Variants in YEATS2 observed in about 807,000 individuals in gnomAD.
The protein encoded by YEATS2 is YEATS domain-containing protein 2.
In YEATS2, 77 loss-of-function variants were observed where a neutral mutation model predicts 163.2. The observed-to-expected ratio is 0.47, with a 90% CI of 0.39 to 0.57. The LOEUF (loss-of-function observed/expected upper bound fraction) is 0.57, where lower values mean the gene tolerates loss of function less well. YEATS2 is among the 20% of genes least tolerant of loss of function. The pLI, the probability that YEATS2 is intolerant of heterozygous loss-of-function variation, is 0.00. For synonymous variants in YEATS2, 631 were observed against 645.1 expected (o/e 0.98, Z 0.33); for missense variants, 1,549 against 1,729.8 (o/e 0.90, Z 1.85).
chr3:183,800,344 C>G (rs1577219693), intron 23 of YEATS2, 122 bp from the exon 24 acceptor site: 2 of 670,660 alleles, frequency 3.0e-6, no homozygotes, highest in Non-Finnish European at 5.2e-6. Flanking sequence ...GGCTGTGTCC[C>G]CACAACAGCT....
At chr3:183,743,035 A>G (rs981804059) in intron 8 of YEATS2, among the ~76,000 whole-genome samples, 5 of 152,268 alleles carry the variant, frequency 3.3e-5, no homozygotes, top group African/African-American at 1.2e-4. Context: ...CATACTTAAT[A>G]GATGACAGCA....
intron 9 of YEATS2, among the ~76,000 whole-genome samples, chr3:183,750,124 T>C (rs1272451130): frequency 1.3e-5 from 2 of 151,880 alleles, no homozygotes; most frequent in African/African-American, 4.8e-5. Flanking sequence ...GCGCCCGGCC[T>C]ACTTGTTTAT....
In YEATS2 at chr3:183,729,228, C is replaced by T. The variant is rs545109670; in HGVS notation, c.812+377C>T. On this transcript the variant is annotated intron_variant, in intron 7 of 30. Transcript: ENST00000305135. ...CGGAGCTTGCAGTGAGCTGAGATCG[C>T]GCCACTGCACTCCAGCCTGGGCGAC... Among the ~76,000 whole-genome samples, 9 of 151,186 alleles carry T rather than the reference C, an allele frequency of 6.0e-5. No homozygotes were observed. The East Asian group carries it at 1.6e-3, about 26-fold the overall frequency.
At chr3:183,719,654 G>C (rs1366905402) in intron 4 of YEATS2, among the ~76,000 whole-genome samples, 1 of 151,860 alleles carries the variant, frequency 6.6e-6, no homozygotes, top group East Asian at 1.9e-4. Flanking sequence ...TGAGCCCTGA[G>C]TTCTACTTTT....
At chr3:183,791,406 C>A (rs564339283) in intron 21 of YEATS2, among the ~76,000 whole-genome samples, 7 of 152,210 alleles carry the variant, frequency 4.6e-5, no homozygotes, top group African/African-American at 1.7e-4. Context: ...GCAGCATTTT[C>A]TGAACAGTTG....
At chr3:183,748,324 G>A (rs1200716720) in intron 9 of YEATS2, among the ~76,000 whole-genome samples, 1 of 145,358 alleles carries the variant, frequency 6.9e-6, no homozygotes, top group East Asian at 2.2e-4. Flanking sequence ...GAGCAATCTT[G>A]GCTCACTGCA....
chr3:183,804,920 C>T (rs766901784), intron 27 of YEATS2, among the ~76,000 whole-genome samples: 6 of 151,098 alleles, frequency 4.0e-5, no homozygotes, highest in Non-Finnish European at 8.9e-5. Flanking sequence ...ACCAGGGAGG[C>T]GGAGCTTGCA....
chr3:183,793,254 T>G lies in YEATS2; in HGVS notation c.3097+2274T>G, dbSNP rs952941101. 4.2e-6 allele frequency: 5 copies of G among 1,180,696 alleles called. No individual in the cohort carries two copies. In the African/African-American group the frequency reaches 8.0e-5, roughly 19 times the overall value. 73.1% of individuals were successfully genotyped at this position (1,180,696 alleles called of 1,614,324 possible). A position where few individuals can be genotyped will look rare whatever the true frequency, so the allele number is the denominator to read the frequency against. On this transcript the variant is annotated intron_variant, in intron 21 of 30. Transcript: ENST00000305135. Reference sequence around the variant, plus strand: ...GAGGCTGTGGATGTTGTTGTTGTCATTACTATTATTACTTCATTCATATGT... The same window carrying G: ...GAGGCTGTGGATGTTGTTGTTGTCAGTACTATTATTACTTCATTCATATGT...
At chr3:183,805,671 C>T (rs1726118982) in intron 27 of YEATS2, among the ~76,000 whole-genome samples, 1 of 152,046 alleles carries the variant, frequency 6.6e-6, no homozygotes, top group Non-Finnish European at 1.5e-5. Flanking sequence ...TGCCTGTAGT[C>T]CCACCTATTC....
chr3:183,763,115 A>G (rs2314159), intron 15 of YEATS2, among the ~76,000 whole-genome samples: 4,199 of 152,172 alleles, frequency 0.028, 184 homozygotes, highest in African/African-American at 0.094. Flanking sequence ...TCCTGAATCA[A>G]TTGGAAATGT....
rs1448550045 is a variant in YEATS2 at position 183,776,074 on chromosome 3, T to C, written c.2528T>C (p.Ile843Thr). Reference protein sequence around the residue: ...GTQSTAGPGGISQHLTYTSYI... With the variant: ...GTQSTAGPGGTSQHLTYTSYI... ...CAAAGTACTGCTGGCCCTGGAGGGA[T>C]ATCTCAGCACCTGACTTACACATCT... Residue 843 changes from isoleucine to threonine, a missense_variant, in exon 18 of 31, where the codon ATA (isoleucine) becomes ACA (threonine). By Grantham distance (89) the Ile-to-Thr change is moderately conservative. Coordinates refer to ENST00000305135, the MANE Select transcript of YEATS2 (RefSeq NM_018023.5). 1.2e-6 allele frequency: 2 copies of C among 1,611,132 alleles called. No homozygotes were observed. The highest frequency in any genetic ancestry group is 1.7e-6 in the Non-Finnish European group (2 of 1,178,566).
At chr3:183,762,849 C>G (rs1257562650) in intron 15 of YEATS2, among the ~76,000 whole-genome samples, 1 of 151,868 alleles carries the variant, frequency 6.6e-6, no homozygotes, top group Admixed American at 6.6e-5. Context: ...GGCAGGAGTT[C>G]GAGACCAGCC....
intron 7 of YEATS2, among the ~76,000 whole-genome samples, chr3:183,734,080 A>G (rs1207326426): frequency 6.6e-6 from 1 of 152,198 alleles, no homozygotes; most frequent in Non-Finnish European, 1.5e-5. Flanking sequence ...CTAGAGCAGC[A>G]TTGTCCAATA....
chr3:183,738,545 CT>C (rs1475820252), intron 8 of YEATS2, among the ~76,000 whole-genome samples: 24 of 105,520 alleles, frequency 2.3e-4, no homozygotes, highest in African/African-American at 9.4e-4. Context: ...AATGCTATCC[CT>C]CCCCCCTCCC....
Position 183,758,883 on chromosome 3 carries a change from C to G in YEATS2, c.1574C>G (p.Ser525Cys). ...PSTGSPTNKI[S>C]TASQVSQGTG... Reference sequence around the variant, plus strand: ...TCAGGAAGTCCTACAAACAAGATCTCCACGGCTTCTCAGGTCTCCCAAGGA... The same window carrying G: ...TCAGGAAGTCCTACAAACAAGATCTGCACGGCTTCTCAGGTCTCCCAAGGA... Residue 525 changes from serine (S) to cysteine (C), a missense_variant, in exon 13 of 31, where the codon TCC (serine) becomes TGC (cysteine). Ser to Cys is a moderately radical substitution (Grantham distance 112). Coordinates refer to ENST00000305135, the MANE Select transcript of YEATS2 (RefSeq NM_018023.5). 5 of 1,593,862 alleles carry G rather than the reference C, an allele frequency of 3.1e-6. No individual in the cohort carries two copies. The highest frequency in any genetic ancestry group is 4.3e-6 in the Non-Finnish European group (5 of 1,173,684).
intron 15 of YEATS2, among the ~76,000 whole-genome samples, chr3:183,764,863 T>G (rs1472238120): frequency 6.6e-6 from 1 of 152,180 alleles, no homozygotes; most frequent in Non-Finnish European, 1.5e-5. Flanking sequence ...CTGTTAAGTT[T>G]ATTAACGACT....
At chr3:183,752,940 G>A (rs1216211953) in intron 10 of YEATS2, among the ~76,000 whole-genome samples, 1 of 151,574 alleles carries the variant, frequency 6.6e-6, no homozygotes, top group Non-Finnish European at 1.5e-5. Flanking sequence ...TAGGATTACA[G>A]GCGTCCACCA....
Position 183,756,608 on chromosome 3 carries a change from G to T in YEATS2, c.1471G>T (p.Ala491Ser). ...TCCAGTCCACGTGAAGCAAGGCACT[G>T]CCGGCTCTGTTATTAATAATCCTTA... ...STPVHVKQGTAGSVINNPYVI... is the reference protein window; with the variant it reads ...STPVHVKQGTSGSVINNPYVI... The change falls in exon 12 of 31, where the codon GCC (alanine) becomes TCC (serine). Residue 491 changes from alanine to serine, a missense_variant. Ala to Ser is a moderately conservative substitution (Grantham distance 99). Coordinates refer to ENST00000305135, the MANE Select transcript of YEATS2 (RefSeq NM_018023.5). 1 of 1,606,828 alleles carries T rather than the reference G, an allele frequency of 6.2e-7. No homozygotes were observed.
At chr3:183,748,414 G>A (rs993951832) in intron 9 of YEATS2, among the ~76,000 whole-genome samples, 4 of 151,922 alleles carry the variant, frequency 2.6e-5, no homozygotes, top group African/African-American at 9.7e-5. Context: ...ACCACACCCA[G>A]CTAATTTTTG....
Sources: gnomAD v4.1 joint callset for allele counts (sites outside exome capture counted in the v4.1 genomes callset) on GRCh38, gnomAD v4.1.1 for gene constraint, MANE v1.5 for transcripts, NCBI Gene and HGNC (gene_info 2026-07-23, HGNC 2026-07-21) for gene names.